Variants in GSPT1 observed in about 807,000 individuals in gnomAD.
GSPT1 encodes the protein G1 to S phase transition 1.
GSPT1 carries 20 observed loss-of-function variants against 72.5 expected under a neutral mutation model. That is an observed-to-expected ratio of 0.28 (90% confidence interval 0.19 to 0.40). GSPT1 has a LOEUF of 0.40. Among genes scored for constraint, GSPT1 ranks in the 10% least tolerant of loss-of-function variants. GSPT1 has a pLI of 1.00. For missense variants in GSPT1, 580 were observed against 811.9 expected (o/e 0.71, Z 3.47); for synonymous variants, 334 against 293.5 (o/e 1.14, Z -1.41).
At chr16:11,912,195 C>CAA (rs2054568697) in intron 1 of GSPT1, among the ~76,000 whole-genome samples, 1 of 151,372 alleles carries the variant, frequency 6.6e-6, no homozygotes, top group South Asian at 2.1e-4. Flanking sequence ...CACACACACA[C>CAA]AAAATAGCTG....
chr16:11,886,996 A>C, intron 7 of GSPT1, 65 bp from the exon 8 acceptor site: 1 of 1,197,702 alleles, frequency 8.3e-7, no homozygotes, highest in South Asian at 1.5e-5. Context: ...GCAGTAAAAC[A>C]TCTTTCCTTT....
chr16:11,870,019 G>C lies in GSPT1; in HGVS notation c.*3100C>G, dbSNP rs1211963119. The C allele has an allele frequency of 6.6e-6, 1 of 152,056 alleles. No individual in the cohort carries two copies. The highest frequency in any genetic ancestry group is 1.5e-5 in the Non-Finnish European group (1 of 68,016). 9.4% of individuals were successfully genotyped at this position (152,056 alleles called of 1,614,324 possible). ...GCAGTACTTGTAGTTTATGTAACCA[G>C]CAAATATGAGTTACCTCGTTACAGT... On this transcript the variant is annotated 3_prime_UTR_variant, in exon 15 of 15. Transcript: ENST00000434724.
intron 11 of GSPT1, among the ~76,000 whole-genome samples, chr16:11,879,740 A>G (rs2054097557): frequency 6.8e-6 from 1 of 147,270 alleles, no homozygotes. Context: ...CTCCGTCTCA[A>G]AAAAAAAAAA....
At chr16:11,889,264 A>T (rs2054223832) in intron 6 of GSPT1, among the ~76,000 whole-genome samples, 1 of 145,088 alleles carries the variant, frequency 6.9e-6, no homozygotes, top group African/African-American at 2.5e-5. Context: ...GTGGAGATGG[A>T]GCCACTACAC....
intron 7 of GSPT1, 64 bp from the exon 8 acceptor site, chr16:11,886,995 C>T: frequency 2.1e-6 from 2 of 973,684 alleles, no homozygotes; most frequent in Non-Finnish European, 3.0e-6. Flanking sequence ...GGCAGTAAAA[C>T]ATCTTTCCTT....
chr16:11,904,393 G>C (rs540264220), intron 1 of GSPT1, among the ~76,000 whole-genome samples: 271 of 152,054 alleles, frequency 1.8e-3, no homozygotes, highest in African/African-American at 6.3e-3. Flanking sequence ...TAGTAGAGAT[G>C]GGGTTTCACC....
At chr16:11,884,888 GAAACCCCGTCTCTACTAAAAATATAAA>G (rs1482099526) in intron 10 of GSPT1, among the ~76,000 whole-genome samples, 1 of 151,516 alleles carries the variant, frequency 6.6e-6, no homozygotes, top group African/African-American at 2.4e-5. Flanking sequence ...CTGACACAGT[GAAACCCCGTCTCTACTAAAAATATAAA>G]AAATTAGCTG....
chr16:11,904,374 T>C (rs948723407), intron 1 of GSPT1, among the ~76,000 whole-genome samples: 1 of 151,976 alleles, frequency 6.6e-6, no homozygotes, highest in Non-Finnish European at 1.5e-5. Flanking sequence ...GGGTAATTTT[T>C]TGTATTTTTA....
At chr16:11,893,205 C>T (rs929317904) in intron 5 of GSPT1, among the ~76,000 whole-genome samples, 5 of 151,844 alleles carry the variant, frequency 3.3e-5, no homozygotes, top group African/African-American at 7.3e-5. Flanking sequence ...AGCTATAGTG[C>T]GCTATCATCC....
At chr16:11,909,944 A>G (rs756690897) in intron 1 of GSPT1, among the ~76,000 whole-genome samples, 4 of 143,168 alleles carry the variant, frequency 2.8e-5, no homozygotes, top group Non-Finnish European at 5.9e-5. Flanking sequence ...AACAAACAAA[A>G]AAACTTAGCC....
At chr16:11,903,085 C>T (rs2054436773) in intron 1 of GSPT1, among the ~76,000 whole-genome samples, 1 of 152,096 alleles carries the variant, frequency 6.6e-6, no homozygotes, top group Non-Finnish European at 1.5e-5. Flanking sequence ...ATACTCTCTC[C>T]TAGCTTCTGG....
chr16:11,886,212 A>G (rs2054185254), intron 9 of GSPT1, among the ~76,000 whole-genome samples: 1 of 152,188 alleles, frequency 6.6e-6, no homozygotes, highest in Non-Finnish European at 1.5e-5. Flanking sequence ...CTATAATCAT[A>G]TTGTAGCTGA....
Position 11,915,790 on chromosome 16 carries a change from A to C in GSPT1, c.-70T>G. ...AGGCAGGGGCGCCCGGCCGGAGAGG[A>C]GTGGGCAACGCTGACTGAGGGAAGG... On this transcript the variant is annotated 5_prime_UTR_variant, in exon 1 of 15. Transcript: ENST00000434724. 2 of 1,574,964 alleles carry C rather than the reference A, an allele frequency of 1.3e-6. No homozygotes were observed. Among genetic ancestry groups the C allele is most frequent in the East Asian group, 2.3e-5 (1 of 43,360 alleles).
In GSPT1 at chr16:11,879,119, G is replaced by A. The variant is rs193040766; in HGVS notation, c.1429-1539C>T. Among the ~76,000 whole-genome samples the A allele has an allele frequency of 7.9e-4, 118 of 148,974 alleles. 3 individuals carry two copies. In the Middle Eastern group the frequency reaches 0.024, roughly 31 times the overall value. On this transcript the variant is annotated intron_variant, in intron 11 of 14. Transcript: ENST00000434724. ...TAATAATAATAATAAAAAAAAGGCC[G>A]GGCACAGTGGCTCACACCTGTAATC...
chr16:11,901,116 C>G (rs568544156), intron 1 of GSPT1, among the ~76,000 whole-genome samples: 1 of 152,308 alleles, frequency 6.6e-6, no homozygotes, highest in African/African-American at 2.4e-5. Flanking sequence ...CTGACTACAC[C>G]ACTGCACTCC....
At chr16:11,904,989 A>G (rs756218105) in intron 1 of GSPT1, among the ~76,000 whole-genome samples, 6 of 152,166 alleles carry the variant, frequency 3.9e-5, no homozygotes, top group African/African-American at 1.2e-4. Context: ...AATCACTGGA[A>G]CCTGGGAGGT....
rs549417221 is a variant in GSPT1, at chr16:11,882,799, T to TAA, written c.1428+214_1428+215dup. ...GTGAGACCCCATCTCAATTTTTATT[T>TAA]AAAAAAAAAAAAAATTAGCCAGGCA... On this transcript the variant is annotated intron_variant, in intron 11 of 14. Transcript: ENST00000434724. Among the ~76,000 whole-genome samples, 4 of 143,380 alleles carry TAA rather than the reference T, an allele frequency of 2.8e-5. No homozygotes were observed. In the Admixed American group the frequency reaches 2.8e-4, roughly 10 times the overall value. 94.1% of individuals were successfully genotyped at this position (143,380 alleles called of 152,430 possible). A position where few individuals can be genotyped will look rare whatever the true frequency, so the allele number is the denominator to read the frequency against.
chr16:11,913,656 AG>A (rs2150895826), intron 1 of GSPT1, among the ~76,000 whole-genome samples: 1 of 152,348 alleles, frequency 6.6e-6, no homozygotes, highest in South Asian at 2.1e-4. Context: ...GAAAGGAGGA[AG>A]AGCCAAGAAA....
intron 1 of GSPT1, among the ~76,000 whole-genome samples, chr16:11,905,004 G>A (rs566757445): frequency 1.3e-5 from 2 of 152,348 alleles, no homozygotes; most frequent in South Asian, 4.1e-4. Flanking sequence ...GGAGGTGGAG[G>A]CTGCAGTGAG....
Sources: allele counts gnomAD v4.1 joint callset (sites outside exome capture counted in the v4.1 genomes callset), GRCh38; gene constraint gnomAD v4.1.1; transcripts MANE v1.5; gene names NCBI Gene and HGNC (gene_info 2026-07-23, HGNC 2026-07-21).